The following ADAM9 variants were observed in gnomAD, a reference collection of about 807,000 sequenced individuals.
The protein encoded by ADAM9 is ADAM metallopeptidase domain 9.
A neutral mutation model predicts 108.1 loss-of-function variants in ADAM9; 54 were observed. That is an observed-to-expected ratio of 0.50 (90% confidence interval 0.40 to 0.63). The LOEUF is 0.63. ADAM9 is among the 20% of genes least tolerant of loss of function. The pLI, the probability that ADAM9 is intolerant of heterozygous loss-of-function variation, is 0.00. For missense variants in ADAM9, 830 were observed against 997.7 expected (o/e 0.83, Z 2.26); for synonymous variants, 316 against 336.0 (o/e 0.94, Z 0.65).
chr8:39,053,249 T>C (rs1838014677), intron 12 of ADAM9, among the ~76,000 whole-genome samples: 1 of 152,206 alleles, frequency 6.6e-6, no homozygotes, highest in Admixed American at 6.5e-5. Flanking sequence ...AGATTGTCAA[T>C]ATTTTTTCCA....
chr8:39,030,413 C>A (rs929004950), intron 11 of ADAM9, among the ~76,000 whole-genome samples: 2 of 152,154 alleles, frequency 1.3e-5, no homozygotes, highest in Non-Finnish European at 2.9e-5. Context: ...CTCCTCATGT[C>A]TTTTCATGTC....
At chr8:39,021,773 A>G in intron 8 of ADAM9, 59 bp downstream of exon 8, 1 of 1,464,352 alleles carries the variant, frequency 6.8e-7, no homozygotes, top group South Asian at 1.1e-5. Context: ...GTCCCAGAAC[A>G]GAACTTAAAA....
At chr8:39,012,005 G>A (rs1317015919) in intron 3 of ADAM9, among the ~76,000 whole-genome samples, 2 of 152,214 alleles carry the variant, frequency 1.3e-5, no homozygotes, top group East Asian at 1.9e-4. Context: ...GGAGCCTGCA[G>A]TGACTGAATA....
At chr8:39,010,329 G>A (rs1319894433) in intron 2 of ADAM9, among the ~76,000 whole-genome samples, 1 of 152,202 alleles carries the variant, frequency 6.6e-6, no homozygotes, top group Non-Finnish European at 1.5e-5. Context: ...AAAGAGCTTG[G>A]TGGTTTTGCT....
intron 11 of ADAM9, among the ~76,000 whole-genome samples, chr8:39,040,372 A>G (rs976476146): frequency 9.2e-5 from 14 of 152,166 alleles, no homozygotes; most frequent in Non-Finnish European, 1.8e-4. Context: ...GATGGTAGTC[A>G]TCCTAACAAG....
intron 11 of ADAM9, among the ~76,000 whole-genome samples, chr8:39,032,880 T>A (rs552696229): frequency 6.6e-6 from 1 of 150,824 alleles, no homozygotes; most frequent in African/African-American, 2.4e-5. Context: ...AACTTTGTTC[T>A]TCTTCTTTAC....
At chr8:39,024,104 G>T (rs1416337805) in intron 9 of ADAM9, among the ~76,000 whole-genome samples, 2 of 151,862 alleles carry the variant, frequency 1.3e-5, no homozygotes, top group South Asian at 2.1e-4. Context: ...TGTCTTTTTT[G>T]TCCCAGCATT....
At chr8:39,024,325 A>G (rs146811430) in intron 9 of ADAM9, among the ~76,000 whole-genome samples, 84 of 152,260 alleles carry the variant, frequency 5.5e-4, no homozygotes, top group Non-Finnish European at 8.5e-4. Flanking sequence ...ACAAAATACC[A>G]TAAGGAGCAG....
chr8:39,033,285 C>T (rs1837159388), intron 11 of ADAM9, among the ~76,000 whole-genome samples: 1 of 152,158 alleles, frequency 6.6e-6, no homozygotes, highest in African/African-American at 2.4e-5. Context: ...TATAACCTTA[C>T]TGTAATTGCT....
chr8:39,017,298 C>G lies in ADAM9; in HGVS notation c.490C>G (p.Arg164Gly), dbSNP rs137853041. The G allele has an allele frequency of 6.2e-7, 1 of 1,613,956 alleles. No individual in the cohort carries two copies. The highest frequency in any genetic ancestry group is 8.5e-7 in the Non-Finnish European group (1 of 1,179,964). Residue 164 changes from arginine to glycine, a missense_variant, in exon 6 of 22, where the codon CGA becomes GGA. Arg to Gly is a moderately radical substitution (Grantham distance 125). Coordinates refer to ENST00000487273, the MANE Select transcript of ADAM9 (RefSeq NM_003816.3). ...NSSHFEHIIYRMDDVYKEPLK... is the reference protein window; with the variant it reads ...NSSHFEHIIYGMDDVYKEPLK... ...CTCTCATTTTGAGCACATCATTTAT[C>G]GAATGGATGATGTCTACAAAGAGCC...
chr8:39,018,786 A>G, intron 6 of ADAM9, 67 bp from the exon 7 acceptor site: 1 of 1,321,020 alleles, frequency 7.6e-7, no homozygotes, highest in African/African-American at 1.4e-5. Context: ...ATAAGTGATG[A>G]GAGATTAGGA....
chr8:39,016,995 G>A lies in ADAM9; in HGVS notation c.411-224G>A. On this transcript the variant is annotated intron_variant, in intron 5 of 21. Coordinates refer to ENST00000487273, the MANE Select transcript of ADAM9 (RefSeq NM_003816.3). ...TTCCATTTCCCGTAGATCACTCAGG[G>A]AGGTTAAGTGACTTACAGGCAGTGA... 4 of 543,186 alleles carry A rather than the reference G, an allele frequency of 7.4e-6. No homozygotes were observed. In the South Asian group the frequency reaches 8.4e-5, roughly 11 times the overall value. The allele number at this position is 543,186 out of a possible 1,614,324, so 33.6% of individuals were successfully genotyped here. A position where few individuals can be genotyped will look rare whatever the true frequency, so the allele number is the denominator to read the frequency against.
At chr8:39,056,423 G>C (rs1297997127) in intron 14 of ADAM9, among the ~76,000 whole-genome samples, 5 of 151,884 alleles carry the variant, frequency 3.3e-5, no homozygotes, top group Non-Finnish European at 7.4e-5. Flanking sequence ...TGATTTTTTT[G>C]TTCTAGGCAT....
chr8:39,086,772 T>C (rs1839192599), intron 18 of ADAM9, among the ~76,000 whole-genome samples: 1 of 152,206 alleles, frequency 6.6e-6, no homozygotes, highest in Admixed American at 6.5e-5. Flanking sequence ...TCGACATAGT[T>C]TGATCCTTCT....
chr8:38,997,402 T>C (rs957802779), intron 1 of ADAM9, among the ~76,000 whole-genome samples: 2 of 152,112 alleles, frequency 1.3e-5, no homozygotes, highest in Non-Finnish European at 1.5e-5. Flanking sequence ...TCCTGTTCGA[T>C]GGAGCCGTTC....
intron 19 of ADAM9, 95 bp downstream of exon 19, chr8:39,090,283 C>G: frequency 9.5e-7 from 1 of 1,052,566 alleles, no homozygotes; most frequent in East Asian, 2.7e-5. Flanking sequence ...GTGATTCCCC[C>G]TGCCTCAGCC....
chr8:39,062,869 C>A (rs140112167), intron 14 of ADAM9, among the ~76,000 whole-genome samples: 1 of 152,110 alleles, frequency 6.6e-6, no homozygotes, highest in Non-Finnish European at 1.5e-5. Context: ...AGTGACAAAT[C>A]GACTCAAACA....
chr8:39,027,151 A>C (rs1836948986), intron 11 of ADAM9, among the ~76,000 whole-genome samples: 1 of 152,204 alleles, frequency 6.6e-6, no homozygotes, highest in Non-Finnish European at 1.5e-5. Context: ...AGAACATGGC[A>C]AAGTTTATTA....
intron 14 of ADAM9, among the ~76,000 whole-genome samples, chr8:39,065,659 CAAAAAAAA>C (rs33990237): frequency 6.9e-5 from 5 of 72,866 alleles, no homozygotes; most frequent in Non-Finnish European, 7.5e-5. Flanking sequence ...GGCTACATCT[CAAAAAAAA>C]AAAAAAAAAA....
Sources: gnomAD v4.1 joint callset for allele counts (sites outside exome capture counted in the v4.1 genomes callset) on GRCh38, gnomAD v4.1.1 for gene constraint, MANE v1.5 for transcripts, NCBI Gene and HGNC (gene_info 2026-07-23, HGNC 2026-07-21) for gene names.